The following SH3BGRL variants were observed in gnomAD, a reference collection of about 807,000 sequenced individuals.
SH3BGRL encodes SH3 domain binding glutamate rich protein like, also known as adapter SH3BGRL.
SH3BGRL carries 7 observed loss-of-function variants against 9.8 expected under a neutral mutation model. The ratio of observed to expected loss-of-function variants is 0.72; its 90% CI spans 0.41 to 1.35. The LOEUF is 1.35. Among genes scored for constraint, SH3BGRL ranks in the 40% most tolerant of loss-of-function variants. SH3BGRL has a pLI of 0.01. For synonymous variants in SH3BGRL, 36 were observed against 29.1 expected, an observed-to-expected ratio of 1.24 and a Z score of -0.76; for missense variants, 73 against 84.4, an observed-to-expected ratio of 0.86 and a Z score of 0.53.
intron 1 of SH3BGRL, among the ~76,000 whole-genome samples, chrX:81,273,248 G>A (rs1037330441): frequency 8.9e-6 from 1 of 112,587 alleles, no homozygotes; most frequent in Non-Finnish European, 1.9e-5. Context: ...AAGTGGCATT[G>A]CTAATAGCAA....
intron 1 of SH3BGRL, chrX:81,237,337 G>A (rs889023177): frequency 3.2e-6 from 1 of 313,558 alleles, no homozygotes. Context: ...GCACTGAAAA[G>A]GTAGAAAAAA....
intron 1 of SH3BGRL, among the ~76,000 whole-genome samples, chrX:81,268,286 T>C (rs2075764819): frequency 9.0e-6 from 1 of 111,481 alleles, no homozygotes; most frequent in Admixed American, 9.6e-5. Context: ...TGCTCTTTCT[T>C]CTCTAGTTCT....
At chrX:81,292,301 T>A (rs2075860501) in intron 3 of SH3BGRL, among the ~76,000 whole-genome samples, 1 of 111,993 alleles carries the variant, frequency 8.9e-6, no homozygotes, top group Admixed American at 9.4e-5. Flanking sequence ...AGCCTTAACA[T>A]CATGTGGAAG....
intron 1 of SH3BGRL, among the ~76,000 whole-genome samples, chrX:81,235,639 T>C (rs1416132879): frequency 8.9e-6 from 1 of 111,733 alleles, no homozygotes; most frequent in Non-Finnish European, 1.9e-5. Flanking sequence ...TCAGTCATAC[T>C]GAGGTTTGAA....
chrX:81,218,095 G>A (rs990442304), intron 1 of SH3BGRL, among the ~76,000 whole-genome samples: 3 of 110,550 alleles, frequency 2.7e-5, no homozygotes, highest in African/African-American at 9.9e-5. Context: ...GTTTTCATTT[G>A]CATGGAATAT....
At chrX:81,217,003 C>A (rs1206558181) in intron 1 of SH3BGRL, among the ~76,000 whole-genome samples, 2 of 110,015 alleles carry the variant, frequency 1.8e-5, no homozygotes, top group Non-Finnish European at 3.8e-5. Context: ...TTTTTAGTTT[C>A]TTTGAGGAAC....
intron 1 of SH3BGRL, among the ~76,000 whole-genome samples, chrX:81,273,518 C>T (rs1031794015): frequency 8.9e-6 from 1 of 111,767 alleles, no homozygotes; most frequent in Non-Finnish European, 1.9e-5. Context: ...TGTTGAATTA[C>T]TTCTGACAAT....
intron 1 of SH3BGRL, among the ~76,000 whole-genome samples, chrX:81,268,609 C>T (rs776293187): frequency 3.6e-5 from 4 of 111,686 alleles, no homozygotes; most frequent in Non-Finnish European, 7.5e-5. Context: ...TGTTCTTACA[C>T]ATTTGCTGAG....
In SH3BGRL at chrX:81,277,018, T is replaced by C. The variant is rs780687067; in HGVS notation, c.80T>C (p.Leu27Pro). 8.3e-7 allele frequency: 1 copy of C among 1,209,209 alleles called. No homozygotes were observed. The highest frequency in any genetic ancestry group is 1.1e-6 in the Non-Finnish European group (1 of 894,100). ...KKKQQDVLGFLEANKIGFEEK... is the reference protein window; with the variant it reads ...KKKQQDVLGFPEANKIGFEEK... ...AAACAACAAGATGTGCTTGGTTTCC[T>C]AGAAGCCAACAAAATAGGATTTGAA... The change falls in exon 2 of 4, where the codon CTA becomes CCA. Residue 27 changes from leucine (L) to proline (P), a missense_variant. Leu to Pro is a moderately conservative substitution (Grantham distance 98). Transcript: ENST00000373212.
At chrX:81,247,576 G>T (rs773820331) in intron 1 of SH3BGRL, among the ~76,000 whole-genome samples, 1 of 111,565 alleles carries the variant, frequency 9.0e-6, no homozygotes, top group South Asian at 3.7e-4. Flanking sequence ...TATGGCTTTT[G>T]TTTTTCATTC....
intron 1 of SH3BGRL, 22 bp downstream of exon 1, chrX:81,202,267 C>A (rs746516813): frequency 8.4e-7 from 1 of 1,190,145 alleles, no homozygotes; most frequent in Non-Finnish European, 1.1e-6. Context: ...GGGGAGTCCA[C>A]CTTTGTTGTT....
chrX:81,209,002 GTTTTTTTTTT>G (rs11322797), intron 1 of SH3BGRL, among the ~76,000 whole-genome samples: 2 of 54,626 alleles, frequency 3.7e-5, no homozygotes, highest in African/African-American at 1.3e-4. Context: ...GCATAACTAA[GTTTTTTTTTT>G]TTTTTTTTTT....
chrX:81,293,587 G>C (rs2075864945), intron 3 of SH3BGRL, among the ~76,000 whole-genome samples: 1 of 112,080 alleles, frequency 8.9e-6, no homozygotes, highest in African/African-American at 3.3e-5. Context: ...GGAGGCTGAG[G>C]CAGGAGGATC....
intron 3 of SH3BGRL, among the ~76,000 whole-genome samples, chrX:81,290,955 T>G (rs1488915924): frequency 8.9e-6 from 1 of 111,891 alleles, no homozygotes; most frequent in Non-Finnish European, 1.9e-5. Flanking sequence ...AGGTCATTTT[T>G]GCATTATTAT....
intron 3 of SH3BGRL, among the ~76,000 whole-genome samples, chrX:81,286,636 T>C (rs749924396): frequency 2.7e-5 from 3 of 109,770 alleles, no homozygotes; most frequent in South Asian, 3.9e-4. Context: ...AGGATAGATA[T>C]AATTAGAAGC....
chrX:81,242,903 T>C (rs1476442141), intron 1 of SH3BGRL, among the ~76,000 whole-genome samples: 1 of 111,569 alleles, frequency 9.0e-6, no homozygotes, highest in African/African-American at 3.3e-5. Context: ...CTGGTGAGGA[T>C]GTGGAGGAAA....
chrX:81,273,630 T>A (rs1471164561), intron 1 of SH3BGRL, among the ~76,000 whole-genome samples: 1 of 101,638 alleles, frequency 9.8e-6, no homozygotes, highest in Non-Finnish European at 2.0e-5. Flanking sequence ...AAAGGCAAAA[T>A]TCCCACTTTG....
chrX:81,262,636 A>C (rs2075744651), intron 1 of SH3BGRL, among the ~76,000 whole-genome samples: 1 of 111,745 alleles, frequency 8.9e-6, no homozygotes, highest in African/African-American at 3.3e-5. Flanking sequence ...AATAGGCTGG[A>C]GTTTAGTTAG....
intron 1 of SH3BGRL, among the ~76,000 whole-genome samples, chrX:81,221,069 G>A (rs2075598708): frequency 9.0e-6 from 1 of 111,432 alleles, no homozygotes; most frequent in African/African-American, 3.3e-5. Flanking sequence ...TATGTGCTGA[G>A]GAGAAGAATG....
Sources: allele counts gnomAD v4.1 joint callset (sites outside exome capture counted in the v4.1 genomes callset), GRCh38; gene constraint gnomAD v4.1.1; transcripts MANE v1.5; gene names NCBI Gene and HGNC (gene_info 2026-07-23, HGNC 2026-07-21).